The following SLC4A10 variants were observed in gnomAD, a reference collection of about 807,000 sequenced individuals.
SLC4A10 encodes the protein sodium-driven chloride bicarbonate exchanger.
Under a neutral mutation model 137.7 loss-of-function variants are expected in SLC4A10, and 42 were observed. That is an observed-to-expected ratio of 0.30 (90% CI 0.24 to 0.39). The LOEUF (loss-of-function observed/expected upper bound fraction) is 0.39, where lower values mean the gene tolerates loss of function less well. Ranked by LOEUF, SLC4A10 falls within the 10% of genes least tolerant of loss-of-function variation. The pLI, the probability that SLC4A10 is intolerant of heterozygous loss-of-function variation, is 1.00. For synonymous variants in SLC4A10, 474 were observed against 464.1 expected (o/e 1.02, Z -0.27); for missense variants, 925 against 1,355.0 (o/e 0.68, Z 4.98).
intron 2 of SLC4A10, among the ~76,000 whole-genome samples, chr2:161,789,512 C>A (rs2053984392): frequency 6.6e-6 from 1 of 150,692 alleles, no homozygotes; most frequent in Non-Finnish European, 1.5e-5. Context: ...CTCTAGTCAG[C>A]CATCTTGAAA....
At chr2:161,760,711 A>C (rs2050166482) in intron 1 of SLC4A10, among the ~76,000 whole-genome samples, 1 of 152,046 alleles carries the variant, frequency 6.6e-6, no homozygotes, top group Non-Finnish European at 1.5e-5. Flanking sequence ...AAAAACTAAC[A>C]ATCTTTATGA....
intron 1 of SLC4A10, among the ~76,000 whole-genome samples, chr2:161,738,832 T>C (rs1358575629): frequency 6.6e-6 from 1 of 152,176 alleles, no homozygotes; most frequent in Non-Finnish European, 1.5e-5. Flanking sequence ...AGTATCAGTC[T>C]AGCAAATGCC....
intron 1 of SLC4A10, among the ~76,000 whole-genome samples, chr2:161,724,111 A>G (rs2045972733): frequency 6.6e-6 from 1 of 152,174 alleles, no homozygotes; most frequent in African/African-American, 2.4e-5. Flanking sequence ...AGGAGTTCAA[A>G]ATCTGCCCGT....
intron 1 of SLC4A10, among the ~76,000 whole-genome samples, chr2:161,737,421 A>G (rs1218790123): frequency 6.6e-5 from 10 of 150,708 alleles, no homozygotes; most frequent in Non-Finnish European, 1.5e-4. Context: ...TATACAGAAT[A>G]GCTTTTTTTT....
intron 1 of SLC4A10, among the ~76,000 whole-genome samples, chr2:161,761,603 C>T (rs113631049): frequency 2.6e-5 from 4 of 152,060 alleles, no homozygotes; most frequent in Non-Finnish European, 2.9e-5. Flanking sequence ...ATGCAGGTTT[C>T]GCTACCCTTT....
chr2:161,739,269 A>G (rs1476515811), intron 1 of SLC4A10, among the ~76,000 whole-genome samples: 1 of 152,198 alleles, frequency 6.6e-6, no homozygotes, highest in African/African-American at 2.4e-5. Context: ...TCTAGTGGGA[A>G]CACTCTTTTA....
chr2:161,698,759 T>G (rs1364532668), intron 1 of SLC4A10, among the ~76,000 whole-genome samples: 1 of 152,200 alleles, frequency 6.6e-6, no homozygotes, highest in African/African-American at 2.4e-5. Flanking sequence ...GATATTGGTG[T>G]AAAATTCTCT....
At chr2:161,708,883 T>C in intron 1 of SLC4A10, 1 of 1,490,488 alleles carries the variant, frequency 6.7e-7, no homozygotes, top group South Asian at 1.3e-5. Context: ...GCTTGCTTTT[T>C]CTAGTTCTTA....
chr2:161,956,388 A>G (rs1161057984), intron 19 of SLC4A10, among the ~76,000 whole-genome samples: 1 of 152,298 alleles, frequency 6.6e-6, no homozygotes, highest in East Asian at 1.9e-4. Context: ...CAGTCACTAA[A>G]AATTAAAAAT....
Position 161,897,315 on chromosome 2 carries a change from A to G in SLC4A10, c.1341+2490A>G, listed in dbSNP as rs149855707. The stretch of plus-strand genomic sequence containing the variant: ...ATACTGCCACCTCTATGCCTACTGA[A>G]TCTGCCTCCCACAACCCTCCCAAAT... On this transcript the variant is annotated intron_variant, in intron 11 of 26. Transcript: ENST00000446997. Among the ~76,000 whole-genome samples the G allele has an allele frequency of 1.6e-3, 241 of 152,186 alleles. 1 individual carries two copies. The highest frequency in any genetic ancestry group is 5.5e-3 in the African/African-American group (230 of 41,546).
In SLC4A10 at chr2:161,804,610, CCTT is replaced by C. The variant is rs2055723236; in HGVS notation, c.277+16_277+18del. 2 of 1,593,550 alleles carry C rather than the reference CCTT, an allele frequency of 1.3e-6. No individual in the cohort carries two copies. The highest frequency in any genetic ancestry group is 1.7e-6 in the Non-Finnish European group (2 of 1,169,638). The stretch of plus-strand genomic sequence containing the variant: ...ACCTTCTTTTGGTAAGAATCCTTCT[CCTT>C]GTTTTTATTAAGTTAATTATTGTAA... On this transcript the variant is annotated intron_variant, in intron 3 of 26. Coordinates refer to ENST00000446997, the MANE Select transcript of SLC4A10 (RefSeq NM_001178015.2).
intron 15 of SLC4A10, among the ~76,000 whole-genome samples, chr2:161,929,598 C>A (rs1689947145): frequency 6.6e-6 from 1 of 152,140 alleles, no homozygotes; most frequent in South Asian, 2.1e-4. Context: ...AGATCTTCAA[C>A]CAGCCAGCTA....
In SLC4A10 at chr2:161,900,893, A is replaced by T; in HGVS notation, c.1342-18A>T. The T allele has an allele frequency of 6.7e-7, 1 of 1,502,524 alleles. No homozygotes were observed. Among genetic ancestry groups the T allele is most frequent in the African/African-American group, 1.4e-5 (1 of 70,682 alleles). 93.1% of individuals were successfully genotyped at this position (1,502,524 alleles called of 1,614,324 possible). A position where few individuals can be genotyped will look rare whatever the true frequency, so the allele number is the denominator to read the frequency against. ...AATTAAAACAAAACAAAACACATGA[A>T]CAAAAAACTCTCCACAGGAGAAGAG... On this transcript the variant is annotated intron_variant, in intron 11 of 26. Coordinates refer to ENST00000446997, the MANE Select transcript of SLC4A10 (RefSeq NM_001178015.2).
At chr2:161,948,766 G>A (rs577098218) in intron 17 of SLC4A10, among the ~76,000 whole-genome samples, 1 of 152,172 alleles carries the variant, frequency 6.6e-6, no homozygotes, top group Non-Finnish European at 1.5e-5. Context: ...TCATATTAAA[G>A]TGTTACCTGT....
chr2:161,934,648 T>C (rs768759731), intron 15 of SLC4A10, among the ~76,000 whole-genome samples: 23 of 152,186 alleles, frequency 1.5e-4, no homozygotes, highest in Non-Finnish European at 3.2e-4. Context: ...TTCTTATAGA[T>C]GTGAGGTAGT....
In SLC4A10 at chr2:161,652,789, C is replaced by CT. The variant is rs10716126; in HGVS notation, c.48+28237dup. Among the ~76,000 whole-genome samples, 229 of 143,222 alleles carry CT rather than the reference C, an allele frequency of 1.6e-3. 2 individuals are homozygous for CT. Among genetic ancestry groups the CT allele is most frequent in the African/African-American group, 3.6e-3 (140 of 38,836 alleles). 94.0% of individuals were successfully genotyped at this position (143,222 alleles called of 152,430 possible). A position where few individuals can be genotyped will look rare whatever the true frequency, so the allele number is the denominator to read the frequency against. On this transcript the variant is annotated intron_variant, in intron 1 of 26. Transcript: ENST00000446997. ...TGGCCCTTGAAAACCACCGTTTATTCTTTTTTTTTTTTTTGACCTAATTGA... is the reference window on the plus strand; with the variant it reads ...TGGCCCTTGAAAACCACCGTTTATTCTTTTTTTTTTTTTTTGACCTAATTGA...
At chr2:161,851,754 A>G (rs1245236354) in intron 4 of SLC4A10, among the ~76,000 whole-genome samples, 1 of 152,198 alleles carries the variant, frequency 6.6e-6, no homozygotes, top group Non-Finnish European at 1.5e-5. Context: ...CAGCTTACAA[A>G]CAATATTATT....
chr2:161,729,519 T>A (rs1405671298), intron 1 of SLC4A10, among the ~76,000 whole-genome samples: 1 of 152,116 alleles, frequency 6.6e-6, no homozygotes. Context: ...AAAGTTTTTT[T>A]TAAAAAAAAT....
intron 1 of SLC4A10, among the ~76,000 whole-genome samples, chr2:161,761,410 G>C (rs2050240531): frequency 1.3e-5 from 2 of 151,942 alleles, no homozygotes; most frequent in Admixed American, 1.3e-4. Flanking sequence ...AACATGAAGA[G>C]AGTAAACATG....
Sources: allele counts gnomAD v4.1 joint callset (sites outside exome capture counted in the v4.1 genomes callset), GRCh38; gene constraint gnomAD v4.1.1; transcripts MANE v1.5; gene names NCBI Gene and HGNC (gene_info 2026-07-23, HGNC 2026-07-21).